The following ERAP1 variants were observed in gnomAD, a reference collection of about 807,000 sequenced individuals.
ERAP1 encodes adipocyte-derived leucine aminopeptidase.
ERAP1 carries 86 observed loss-of-function variants against 103.7 expected under a neutral mutation model. That is an observed-to-expected ratio of 0.83 (90% CI 0.70 to 0.99). ERAP1 has a LOEUF of 0.99. Ranked by LOEUF, ERAP1 falls within the 50% of genes least tolerant of loss-of-function variation. The probability of loss-of-function intolerance (pLI) is 0.00; values close to 1 mark genes in which losing one functional copy is unlikely to be tolerated. For synonymous variants in ERAP1, 398 were observed against 402.4 expected (o/e 0.99, Z 0.13); for missense variants, 1,009 against 1,128.4 (o/e 0.89, Z 1.52).
At chr5:96,897,999 C>A in the ERAP1 span, among the ~76,000 whole-genome samples, 3 of 152,146 alleles carry the variant, frequency 2.0e-5, no homozygotes, top group Non-Finnish European at 2.9e-5. Flanking sequence ...GAGTTTGAGA[C>A]CAGCCTGGCC....
At chr5:96,857,638 C>G in the ERAP1 span, among the ~76,000 whole-genome samples, 1 of 152,202 alleles carries the variant, frequency 6.6e-6, no homozygotes, top group African/African-American at 2.4e-5. Flanking sequence ...CCAAGAAATA[C>G]AGATGTGAGT....
In ERAP1 at chr5:96,800,982, T is replaced by C. The variant is rs1209187397; in HGVS notation, c.543A>G (p.Gln181=). 6.2e-7 allele frequency: 1 copy of C among 1,614,166 alleles called. No homozygotes were observed. Among genetic ancestry groups the C allele is most frequent in the Non-Finnish European group, 8.5e-7 (1 of 1,180,030 alleles). The change falls in exon 3 of 19, where the codon CAA becomes CAG. Residue 181 remains glutamine (Q), a synonymous_variant. Coordinates refer to ENST00000443439, the MANE Select transcript of ERAP1 (RefSeq NM_001040458.3). The part of the protein sequence containing the change: ...EGELRILAST[Q]FEPTAARMAF... The stretch of plus-strand genomic sequence containing the variant: ...CCATTCTAGCTGCAGTGGGTTCAAA[T>C]TGTGTTGATGCTAGTATCCTAAAAT...
At chr5:96,897,222 A>C in the ERAP1 span, among the ~76,000 whole-genome samples, 1 of 152,182 alleles carries the variant, frequency 6.6e-6, no homozygotes, top group Non-Finnish European at 1.5e-5. Flanking sequence ...CCCAATGTGT[A>C]TATATTTGTT....
At chr5:96,840,800 G>A in the ERAP1 span, among the ~76,000 whole-genome samples, 1 of 151,950 alleles carries the variant, frequency 6.6e-6, no homozygotes, top group African/African-American at 2.4e-5. Context: ...CCGCCTCCCG[G>A]GTTCAAGCGA....
rs1265615193 is a variant in ERAP1, at chr5:96,790,832, T to C, written c.1321-189A>G. On this transcript the variant is annotated intron_variant, in intron 8 of 18. Transcript: ENST00000443439. ...CTGTTTAGGCAGGAGATTTGTCTAATGTGATTGCTTATGCTCTGAGCCCAC... is the reference window on the plus strand; with the variant it reads ...CTGTTTAGGCAGGAGATTTGTCTAACGTGATTGCTTATGCTCTGAGCCCAC... Among the ~76,000 whole-genome samples, 6 of 152,240 alleles carry C rather than the reference T, an allele frequency of 3.9e-5. No individual in the cohort carries two copies. In the East Asian group the frequency reaches 1.2e-3, roughly 29 times the overall value.
chr5:96,881,534 G>T, the ERAP1 span: 18 of 452,656 alleles, frequency 4.0e-5, no homozygotes, highest in Non-Finnish European at 7.1e-5. Context: ...GTGTTCAATT[G>T]CCAGTTGGAG....
At chr5:96,933,976 A>G in the ERAP1 span, 1 of 152,258 alleles carries the variant, frequency 6.6e-6, no homozygotes, top group Admixed American at 6.5e-5. Flanking sequence ...GAGGTATCAT[A>G]TGATACAGAC....
At chr5:96,862,940 A>G in the ERAP1 span, among the ~76,000 whole-genome samples, 1 of 152,120 alleles carries the variant, frequency 6.6e-6, no homozygotes. Flanking sequence ...GACCTTTCAG[A>G]GCTACCTCGT....
chr5:96,871,173 CA>C, the ERAP1 span, among the ~76,000 whole-genome samples: 1 of 152,162 alleles, frequency 6.6e-6, no homozygotes, highest in Admixed American at 6.5e-5. Context: ...CTCCTCAACT[CA>C]AAGAATCTGC....
At chr5:96,789,439 A>T (rs1343096595) in intron 10 of ERAP1, among the ~76,000 whole-genome samples, 2 of 152,054 alleles carry the variant, frequency 1.3e-5, no homozygotes, top group African/African-American at 4.8e-5. Context: ...GTGAGCCGAG[A>T]TCACGCCACT....
the ERAP1 span, among the ~76,000 whole-genome samples, chr5:96,838,670 C>T: frequency 2.6e-5 from 4 of 151,818 alleles, no homozygotes; most frequent in South Asian, 8.3e-4. Flanking sequence ...ATATTTCCTC[C>T]CAAAGTCCAC....
At chr5:96,787,889 G>A (rs1776274315) in intron 11 of ERAP1, among the ~76,000 whole-genome samples, 2 of 151,542 alleles carry the variant, frequency 1.3e-5, no homozygotes, top group Admixed American at 6.6e-5. Context: ...GAGAGAGAGA[G>A]AGCAAGAGAG....
chr5:96,816,916 A>G, the ERAP1 span, among the ~76,000 whole-genome samples: 103 of 152,170 alleles, frequency 6.8e-4, no homozygotes, highest in African/African-American at 2.4e-3. Context: ...GACCTCACCA[A>G]ACTCCAGGGG....
At chr5:96,815,751 A>G in the ERAP1 span, among the ~76,000 whole-genome samples, 1 of 152,142 alleles carries the variant, frequency 6.6e-6, no homozygotes, top group African/African-American at 2.4e-5. Flanking sequence ...TGTAAGCAGT[A>G]ATTTATTAAC....
chr5:96,781,977 A>G (rs1775245938), intron 15 of ERAP1, 123 bp from the exon 16 acceptor site: 4 of 944,522 alleles, frequency 4.2e-6, no homozygotes, highest in Non-Finnish European at 6.5e-6. Flanking sequence ...CTGGAAATAT[A>G]AACAAAAACT....
chr5:96,792,428 TAAAG>T (rs1301342837), intron 7 of ERAP1, among the ~76,000 whole-genome samples: 1 of 152,170 alleles, frequency 6.6e-6, no homozygotes, highest in Non-Finnish European at 1.5e-5. Context: ...TCCTTTAGAA[TAAAG>T]AAAATTTCGT....
At chr5:96,874,408 G>T in the ERAP1 span, among the ~76,000 whole-genome samples, 109 of 152,290 alleles carry the variant, frequency 7.2e-4, no homozygotes, top group Non-Finnish European at 1.3e-3. Flanking sequence ...AGCTAGGCTG[G>T]ATCTTGTGAC....
chr5:96,802,729 T>A (rs146137922), intron 2 of ERAP1, among the ~76,000 whole-genome samples: 5 of 152,350 alleles, frequency 3.3e-5, no homozygotes, highest in African/African-American at 1.2e-4. Flanking sequence ...TATCTGTGCA[T>A]GTGACCTTAT....
the ERAP1 span, among the ~76,000 whole-genome samples, chr5:96,880,569 C>A: frequency 6.6e-6 from 1 of 152,078 alleles, no homozygotes. Context: ...ATAGGGAATG[C>A]TTCTCAAAGG....
Sources: gnomAD v4.1 joint callset for allele counts (sites outside exome capture counted in the v4.1 genomes callset) on GRCh38, gnomAD v4.1.1 for gene constraint, MANE v1.5 for transcripts, NCBI Gene and HGNC (gene_info 2026-07-23, HGNC 2026-07-21) for gene names.